Variants in FRAS1 observed in about 807,000 individuals in gnomAD.
FRAS1 encodes the protein Fraser extracellular matrix complex subunit 1.
In FRAS1, 290 loss-of-function variants were observed where a neutral mutation model predicts 435.2. The observed-to-expected ratio is 0.67, with a 90% CI of 0.61 to 0.73. FRAS1 has a LOEUF of 0.73. Among genes scored for constraint, FRAS1 ranks in the 30% least tolerant of loss-of-function variants. The probability of loss-of-function intolerance (pLI) is 0.00; values close to 1 mark genes in which losing one functional copy is unlikely to be tolerated. For missense variants in FRAS1, 4,860 were observed against 5,001.5 expected, an observed-to-expected ratio of 0.97 and a Z score of 0.85; for synonymous variants, 1,800 against 1,851.0, an observed-to-expected ratio of 0.97 and a Z score of 0.71.
intron 2 of FRAS1, among the ~76,000 whole-genome samples, chr4:78,213,866 A>G (rs1296846699): frequency 2.0e-5 from 3 of 152,186 alleles, no homozygotes; most frequent in Non-Finnish European, 4.4e-5. Flanking sequence ...CCCAAGATCA[A>G]AAGTTAGTCA....
intron 14 of FRAS1, among the ~76,000 whole-genome samples, chr4:78,295,834 T>C (rs75393296): frequency 0.014 from 2,079 of 151,980 alleles, 54 homozygotes; most frequent in African/African-American, 0.047. Flanking sequence ...AACCTCCGCC[T>C]GCCCAGGTTC....
chr4:78,125,616 C>T (rs1489890504), intron 2 of FRAS1, among the ~76,000 whole-genome samples: 1 of 152,096 alleles, frequency 6.6e-6, no homozygotes, highest in Non-Finnish European at 1.5e-5. Context: ...TGTTAGTTTT[C>T]CTTCTGACAG....
Position 78,297,257 on chromosome 4 carries a change from T to A in FRAS1, c.1534+10718T>A, listed in dbSNP as rs181338177. 2.3e-3 allele frequency among the ~76,000 whole-genome samples: 354 copies of A among 152,328 alleles called. 3 individuals carry two copies. The highest frequency in any genetic ancestry group is 3.3e-3 in the Non-Finnish European group (225 of 68,032). On this transcript the variant is annotated intron_variant, in intron 14 of 73. Transcript: ENST00000512123. Reference sequence around the variant, plus strand: ...AAAATATGAACTGCAGCCTCACTGATGAATCTCAGAGGAACTACAGATCAA... The same window carrying A: ...AAAATATGAACTGCAGCCTCACTGAAGAATCTCAGAGGAACTACAGATCAA...
intron 20 of FRAS1, among the ~76,000 whole-genome samples, chr4:78,345,396 C>G (rs963949822): frequency 6.6e-6 from 1 of 152,148 alleles, no homozygotes; most frequent in Non-Finnish European, 1.5e-5. Flanking sequence ...GTCCTCATAT[C>G]TAATCCTCTT....
chr4:78,390,737 T>C (rs996621469), intron 29 of FRAS1, among the ~76,000 whole-genome samples: 1 of 152,240 alleles, frequency 6.6e-6, no homozygotes, highest in Non-Finnish European at 1.5e-5. Flanking sequence ...AGATGCATTG[T>C]CAGACATGAC....
chr4:78,520,222 T>C (rs188816130), intron 67 of FRAS1, among the ~76,000 whole-genome samples: 1 of 150,734 alleles, frequency 6.6e-6, no homozygotes, highest in Non-Finnish European at 1.5e-5. Context: ...TCCTCCGTTC[T>C]CTCCAATCGT....
chr4:78,133,833 G>A (rs1042852001), intron 2 of FRAS1, among the ~76,000 whole-genome samples: 1 of 152,130 alleles, frequency 6.6e-6, no homozygotes, highest in Non-Finnish European at 1.5e-5. Context: ...AAGCACAAAG[G>A]AATCACGGGC....
rs1729330107 is a variant in FRAS1, at chr4:78,317,571, T to C, written c.1960+63T>C. On this transcript the variant is annotated intron_variant, in intron 17 of 73. Transcript: ENST00000512123. ...CCACAAGAACATAGATTTACTTTTT[T>C]CCAATAATATAACTTTCCAGTGTAA... is the stretch of plus-strand genomic sequence containing the variant. 2.1e-6 allele frequency: 3 copies of C among 1,455,758 alleles called. No individual in the cohort carries two copies. The African/African-American group carries it at 4.3e-5, about 21-fold the overall frequency. The allele number at this position is 1,455,758 out of a possible 1,614,324, so 90.2% of individuals were successfully genotyped here.
chr4:78,061,712 G>A lies in FRAS1; in HGVS notation c.76+3627G>A, dbSNP rs571920580. 7.4e-4 allele frequency among the ~76,000 whole-genome samples: 112 copies of A among 152,252 alleles called. 5 individuals are homozygous for A. In the South Asian group the frequency reaches 0.023, roughly 31 times the overall value. ...AAGAGAAGAACTTGGCTGGAAAAAAGTAACCTAATTCTTTTATTCTGCAAG... is the reference window on the plus strand; with the variant it reads ...AAGAGAAGAACTTGGCTGGAAAAAAATAACCTAATTCTTTTATTCTGCAAG... On this transcript the variant is annotated intron_variant, in intron 1 of 73. Coordinates refer to ENST00000512123, the MANE Select transcript of FRAS1 (RefSeq NM_025074.7).
chr4:78,416,443 T>TA (rs879526085), intron 32 of FRAS1, among the ~76,000 whole-genome samples: 30 of 142,798 alleles, frequency 2.1e-4, no homozygotes, highest in African/African-American at 2.3e-4. Flanking sequence ...TTATGATGGT[T>TA]AAAAAAAAAA....
At chr4:78,265,149 T>C (rs1235228018) in intron 7 of FRAS1, 41 bp downstream of exon 7, 3 of 1,358,068 alleles carry the variant, frequency 2.2e-6, no homozygotes, top group Non-Finnish European at 3.1e-6. Context: ...TTGACATCCG[T>C]TCTCACACAT....
chr4:78,113,578 G>C (rs1192774261), intron 2 of FRAS1, among the ~76,000 whole-genome samples: 2 of 152,214 alleles, frequency 1.3e-5, no homozygotes, highest in East Asian at 3.8e-4. Context: ...TTGATGGCCA[G>C]TGATGATGAG....
At chr4:78,162,521 TTGAG>T (rs1393516528) in intron 2 of FRAS1, among the ~76,000 whole-genome samples, 2 of 152,232 alleles carry the variant, frequency 1.3e-5, no homozygotes, top group Non-Finnish European at 2.9e-5. Flanking sequence ...TAAATGAAGA[TTGAG>T]TGTGATGGGT....
At chr4:78,320,526 A>G (rs994476848) in intron 18 of FRAS1, among the ~76,000 whole-genome samples, 1 of 152,148 alleles carries the variant, frequency 6.6e-6, no homozygotes, top group African/African-American at 2.4e-5. Flanking sequence ...AGCTTCCTCC[A>G]GTCACTTCCG....
chr4:78,382,064 A>G (rs1732044284), intron 27 of FRAS1, among the ~76,000 whole-genome samples: 1 of 152,182 alleles, frequency 6.6e-6, no homozygotes, highest in Non-Finnish European at 1.5e-5. Context: ...GTGATTCTTT[A>G]GGATTGGATT....
At chr4:78,538,088 C>T (rs1016679166) in intron 72 of FRAS1, among the ~76,000 whole-genome samples, 1 of 152,110 alleles carries the variant, frequency 6.6e-6, no homozygotes, top group Non-Finnish European at 1.5e-5. Flanking sequence ...TATGAGAATC[C>T]AGTTTTTTCC....
rs1553962057 is a variant in FRAS1 at position 78,455,421 on chromosome 4, G to GA, written c.6763+3067_6763+3068insA. Among the ~76,000 whole-genome samples the GA allele has an allele frequency of 1.2e-3, 76 of 63,760 alleles. 1 individual carries two copies. In the East Asian group the frequency reaches 0.015, roughly 13 times the overall value. The allele number at this position is 63,760 out of a possible 152,430, so 41.8% of individuals were successfully genotyped here. On this transcript the variant is annotated intron_variant, in intron 47 of 73. Transcript: ENST00000512123. ...GTTTACCAGAAGTTGGAGTTGAGGA[G>GA]GGAGGGGGTTCTGTTATTTCCAAGA...
intron 2 of FRAS1, among the ~76,000 whole-genome samples, chr4:78,130,619 T>C (rs1482581128): frequency 6.6e-6 from 1 of 152,198 alleles, no homozygotes; most frequent in Non-Finnish European, 1.5e-5. Flanking sequence ...ACCCCATTCA[T>C]GCATAGTCAG....
intron 71 of FRAS1, 57 bp from the exon 72 acceptor site, chr4:78,536,938 A>G (rs1721903922): frequency 6.9e-7 from 1 of 1,442,946 alleles, no homozygotes. Context: ...AACCCTTGAC[A>G]TTTGTTTTTC....
Sources: gnomAD v4.1 joint callset for allele counts (sites outside exome capture counted in the v4.1 genomes callset) on GRCh38, gnomAD v4.1.1 for gene constraint, MANE v1.5 for transcripts, NCBI Gene and HGNC (gene_info 2026-07-23, HGNC 2026-07-21) for gene names.